SHCBP1: variants seen among roughly 807,000 people sequenced by gnomAD.
SHCBP1 encodes the protein SHC binding and spindle associated 1.
SHCBP1 carries 60 observed loss-of-function variants against 75.1 expected under a neutral mutation model. The observed-to-expected ratio is 0.80, with a 90% confidence interval of 0.65 to 0.99. SHCBP1 has a LOEUF of 0.99. Among genes scored for constraint, SHCBP1 ranks in the 50% least tolerant of loss-of-function variants. The pLI is 0.00. For missense variants in SHCBP1, 709 were observed against 809.4 expected (o/e 0.88, Z 1.50); for synonymous variants, 290 against 293.2 (o/e 0.99, Z 0.11).
At chr16:46,600,107 C>T (rs1965209956) in intron 8 of SHCBP1, 145 bp from the exon 9 acceptor site, 3 of 904,648 alleles carry the variant, frequency 3.3e-6, no homozygotes, top group Non-Finnish European at 4.9e-6. Context: ...AAATCTATCT[C>T]CCCACATATC....
In SHCBP1 at chr16:46,581,730, CAGAAA is replaced by C. The variant is rs1466621953; in HGVS notation, c.2013_2017del (p.Phe672ThrfsTer5). 1.2e-6 allele frequency: 2 copies of C among 1,611,100 alleles called. No homozygotes were observed. Among genetic ancestry groups the C allele is most frequent in the Non-Finnish European group, 1.7e-6 (2 of 1,178,174 alleles). Reference sequence around the variant, plus strand: ...TGCTATCTACTTACATCACTGTAGTCAGAAAAGAAATGTGCCAAAACTACCTTTCC... The same window carrying C: ...TGCTATCTACTTACATCACTGTAGTCAGAAATGTGCCAAAACTACCTTTCC... On this transcript the variant is annotated frameshift_variant and stop_lost, in exon 13 of 13. Transcript: ENST00000303383. LOFTEE classifies it high-confidence loss of function.
At position 46,604,365 on chromosome 16, in the gene SHCBP1, T is replaced by A; in HGVS notation, c.786A>T (p.Leu262Phe). ...SQCEESYRKFLNLRSSLSNCN... is the reference protein window; with the variant it reads ...SQCEESYRKFFNLRSSLSNCN... ...AATTTGACAAACTGCTTCTCAGATT[T>A]AAAAATTTCCTGTAACTCTCCTCAC... The change falls in exon 6 of 13, where the codon TTA becomes TTT. Residue 262 changes from leucine to phenylalanine, a missense_variant. Physicochemically the swap from Leu to Phe is conservative, Grantham distance 22. Coordinates refer to ENST00000303383, the MANE Select transcript of SHCBP1 (RefSeq NM_024745.5). 1 of 1,614,166 alleles carries A rather than the reference T, an allele frequency of 6.2e-7. No individual in the cohort carries two copies. The highest frequency in any genetic ancestry group is 1.1e-5 in the South Asian group (1 of 91,088).
chr16:46,613,265 G>C (rs768630925), intron 4 of SHCBP1, among the ~76,000 whole-genome samples: 1 of 152,182 alleles, frequency 6.6e-6, no homozygotes, highest in Admixed American at 6.5e-5. Context: ...GTTCGAGCCT[G>C]CATTGAATCA....
chr16:46,583,736 A>C (rs1397078974), intron 11 of SHCBP1, 79 bp from the exon 12 acceptor site: 1 of 1,495,006 alleles, frequency 6.7e-7, no homozygotes, highest in Non-Finnish European at 9.1e-7. Context: ...TATTCACACT[A>C]TTCTAAAAAT....
intron 8 of SHCBP1, among the ~76,000 whole-genome samples, chr16:46,602,809 T>C (rs1464948527): frequency 6.6e-6 from 1 of 152,078 alleles, no homozygotes; most frequent in African/African-American, 2.4e-5. Context: ...TTTTGTATTT[T>C]TAGTACCGAC....
At chr16:46,608,420 T>C in intron 4 of SHCBP1, 31 bp from the exon 5 acceptor site, 1 of 1,439,684 alleles carries the variant, frequency 6.9e-7, no homozygotes, top group Non-Finnish European at 9.8e-7. Context: ...ATTCAAATTC[T>C]ATCACTGGCT....
At position 46,580,872 on chromosome 16, in the gene SHCBP1, G is replaced by C. The variant is rs1040898772; in HGVS notation, c.*857C>G. The C allele has an allele frequency of 6.6e-6, 1 of 151,920 alleles. No homozygotes were observed. The highest frequency in any genetic ancestry group is 2.4e-5 in the African/African-American group (1 of 41,328). 9.4% of individuals were successfully genotyped at this position (151,920 alleles called of 1,614,324 possible). A position where few individuals can be genotyped will look rare whatever the true frequency, so the allele number is the denominator to read the frequency against. On this transcript the variant is annotated 3_prime_UTR_variant, in exon 13 of 13. Transcript: ENST00000303383. ...TCCTCTAGCCTCAGCCTCCTGAGTA[G>C]CTGGAACTACATGCATGCACCACCA...
At chr16:46,615,355 A>T (rs1965478214) in intron 4 of SHCBP1, among the ~76,000 whole-genome samples, 1 of 152,160 alleles carries the variant, frequency 6.6e-6, no homozygotes, top group African/African-American at 2.4e-5. Context: ...GGGGGGAGAT[A>T]GGCACCCCTA....
At chr16:46,596,849 T>G (rs1965151565) in intron 9 of SHCBP1, among the ~76,000 whole-genome samples, 1 of 151,674 alleles carries the variant, frequency 6.6e-6, no homozygotes. Flanking sequence ...TGCTTCAGCC[T>G]CCAGAGTAGA....
Position 46,616,746 on chromosome 16 carries a change from A to G in SHCBP1, c.388-592T>C, listed in dbSNP as rs764741750. Among the ~76,000 whole-genome samples, 6 of 152,228 alleles carry G rather than the reference A, an allele frequency of 3.9e-5. No homozygotes were observed. Among genetic ancestry groups the G allele is most frequent in the Non-Finnish European group, 8.8e-5 (6 of 68,046 alleles). ...TAAAGACAATATCTTAGGAGTTTTA[A>G]GCAGAGAAATGGCATGCTTCTGTTT... is the stretch of plus-strand genomic sequence containing the variant. On this transcript the variant is annotated intron_variant, in intron 3 of 12. Transcript: ENST00000303383. The surrounding 1 kb of genome is among the most constrained non-coding windows in gnomAD (Gnocchi z 4.4).
chr16:46,620,228 G>T (rs576428928), intron 1 of SHCBP1, among the ~76,000 whole-genome samples: 2 of 151,934 alleles, frequency 1.3e-5, no homozygotes, highest in African/African-American at 4.8e-5. Context: ...AATTTGTGTC[G>T]CATTGCACCA....
In SHCBP1 at chr16:46,618,206, T is replaced by G; in HGVS notation, c.270A>C (p.Leu90Phe). The change falls in exon 2 of 13, where the codon TTA becomes TTC. Residue 90 changes from leucine (L) to phenylalanine (F), a missense_variant and splice_region_variant. Leu to Phe is a conservative substitution (Grantham distance 22). Transcript: ENST00000303383. ...ERFRAYQDYI[L>F]ADCKASEVQE... The stretch of plus-strand genomic sequence containing the variant: ...AAAAAAAGCAAAAAACCTACTCACC[T>G]AAAATGTAATCTTGATAGGCTCTGA... 1 of 1,584,280 alleles carries G rather than the reference T, an allele frequency of 6.3e-7. No homozygotes were observed. Among genetic ancestry groups the G allele is most frequent in the South Asian group, 1.2e-5 (1 of 84,856 alleles).
At chr16:46,608,959 T>C (rs931671822) in intron 4 of SHCBP1, among the ~76,000 whole-genome samples, 1 of 152,164 alleles carries the variant, frequency 6.6e-6, no homozygotes, top group African/African-American at 2.4e-5. Context: ...TGGATGGTAG[T>C]GCCATTTGTT....
At position 46,600,438 on chromosome 16, in the gene SHCBP1, C is replaced by T. The variant is rs1255103463; in HGVS notation, c.1214-476G>A. 3.9e-5 allele frequency among the ~76,000 whole-genome samples: 6 copies of T among 152,132 alleles called. No homozygotes were observed. In the East Asian group the frequency reaches 1.2e-3, roughly 29 times the overall value. On this transcript the variant is annotated intron_variant, in intron 8 of 12. Transcript: ENST00000303383. ...CTATGATCATGCCATTGCACTCCAG[C>T]CTTCATTCTGGGTGACAGAATGAGA...
intron 10 of SHCBP1, among the ~76,000 whole-genome samples, chr16:46,584,681 A>C (rs540744241): frequency 3.9e-4 from 60 of 152,320 alleles, no homozygotes; most frequent in Non-Finnish European, 6.9e-4. Context: ...AGTAACCAGA[A>C]AGATCAAACA....
At position 46,621,297 on chromosome 16, in the gene SHCBP1, C is replaced by G. The variant is rs17856883; in HGVS notation, c.63G>C (p.Met21Ile). The G allele has an allele frequency of 5.0e-6, 8 of 1,611,148 alleles. No individual in the cohort carries two copies. In the East Asian group the frequency reaches 8.9e-5, roughly 18 times the overall value. The change falls in exon 1 of 13, where the codon ATG (methionine) becomes ATC (isoleucine). Residue 21 changes from methionine (M) to isoleucine (I), a missense_variant. By Grantham distance (10) the Met-to-Ile change is conservative. Coordinates refer to ENST00000303383, the MANE Select transcript of SHCBP1 (RefSeq NM_024745.5). ...LEAAAMAPER[M>I]GWAVEQELAS... ...CCAGCTCCTGCTCCACCGCCCAGCC[C>G]ATGCGCTCCGGCGCCATGGCCGCTG... is the stretch of plus-strand genomic sequence containing the variant.
At chr16:46,609,959 T>TA (rs1965382678) in intron 4 of SHCBP1, among the ~76,000 whole-genome samples, 1 of 151,642 alleles carries the variant, frequency 6.6e-6, no homozygotes, top group South Asian at 2.1e-4. Context: ...ATTGGATTTT[T>TA]TTTTTTTTCA....
At chr16:46,583,750 A>G in intron 11 of SHCBP1, 93 bp from the exon 12 acceptor site, 1 of 1,445,022 alleles carries the variant, frequency 6.9e-7, no homozygotes, top group Non-Finnish European at 9.4e-7. Context: ...TAAAAATAAA[A>G]GGAAAAAGCT....
rs777791400 is a variant in SHCBP1 at position 46,604,149 on chromosome 16, A to G, written c.924-6T>C. On this transcript the variant is annotated splice_region_variant and splice_polypyrimidine_tract_variant and intron_variant, in intron 6 of 12. Transcript: ENST00000303383. ...TCTGATAACCAAACACATACCTTAA[A>G]GAAACGAAACAGGCCTATCAGTAAG... 5 of 1,613,832 alleles carry G rather than the reference A, an allele frequency of 3.1e-6. No homozygotes were observed. In the Admixed American group the frequency reaches 6.7e-5, roughly 22 times the overall value.
Sources: gnomAD v4.1 joint callset for allele counts (sites outside exome capture counted in the v4.1 genomes callset) on GRCh38, gnomAD v4.1.1 for gene constraint, Gnocchi (gnomAD v3.1) non-coding constraint, MANE v1.5 for transcripts, NCBI Gene and HGNC (gene_info 2026-07-23, HGNC 2026-07-21) for gene names.